FETUB: variants seen among roughly 807,000 people sequenced by gnomAD.
FETUB encodes the protein fetuin-B.
In FETUB, 28 loss-of-function variants were observed where a neutral mutation model predicts 30.9. That is an observed-to-expected ratio of 0.90 (90% CI 0.67 to 1.24). The LOEUF is 1.24. FETUB is among the 50% of genes most tolerant of loss of function. The probability of loss-of-function intolerance (pLI) is 0.00; values close to 1 mark genes in which losing one functional copy is unlikely to be tolerated. For synonymous variants in FETUB, 186 were observed against 175.9 expected (o/e 1.06, Z -0.45); for missense variants, 469 against 455.3 (o/e 1.03, Z -0.27).
chr3:186,646,203 G>T (rs778018393), intron 4 of FETUB, 45 bp from the exon 5 acceptor site: 1 of 1,413,300 alleles, frequency 7.1e-7, no homozygotes, highest in South Asian at 1.2e-5. Flanking sequence ...TTTTCCCTAG[G>T]CAGAAATGTT....
chr3:186,651,131 G>A (rs1197734566), intron 5 of FETUB, 87 bp from the exon 6 acceptor site: 2 of 838,408 alleles, frequency 2.4e-6, no homozygotes, highest in Admixed American at 1.9e-5. Flanking sequence ...ATGTTGATTG[G>A]CTGTGTATCT....
intron 5 of FETUB, among the ~76,000 whole-genome samples, chr3:186,650,981 C>A (rs1414013816): frequency 6.6e-6 from 1 of 152,170 alleles, no homozygotes; most frequent in Non-Finnish European, 1.5e-5. Flanking sequence ...ATTTTTTTAA[C>A]AAACAGAGTT....
chr3:186,652,744 T>G lies in FETUB; in HGVS notation c.*113T>G. ...CGTAGAGTGGCTAGTGAAGGACGCC[T>G]TTTTGACTCTTCTTGGTCTCAGCAT... On this transcript the variant is annotated 3_prime_UTR_variant, in exon 7 of 7. Transcript: ENST00000265029. 7.9e-7 allele frequency: 1 copy of G among 1,264,028 alleles called. No individual in the cohort carries two copies. The highest frequency in any genetic ancestry group is 1.5e-5 in the South Asian group (1 of 64,726). The allele number at this position is 1,264,028 out of a possible 1,614,324, so 78.3% of individuals were successfully genotyped here.
chr3:186,646,504 C>G (rs1717557347), intron 5 of FETUB, among the ~76,000 whole-genome samples, 155 bp downstream of exon 5: 1 of 152,196 alleles, frequency 6.6e-6, no homozygotes, highest in African/African-American at 2.4e-5. Context: ...CAGATCCAGA[C>G]TGCATTCAAT....
chr3:186,636,913 G>A (rs995890800), upstream of FETUB, among the ~76,000 whole-genome samples: 1 of 152,128 alleles, frequency 6.6e-6, no homozygotes, highest in Admixed American at 6.5e-5. Context: ...AGCCTGTCTT[G>A]ACTTCCCCAG....
chr3:186,646,387 A>C (rs1368557504), intron 5 of FETUB, 38 bp downstream of exon 5: 2 of 1,412,076 alleles, frequency 1.4e-6, no homozygotes, highest in Non-Finnish European at 2.0e-6. Context: ...TTGAGTGTTC[A>C]CAGATCATCT....
At chr3:186,651,590 C>T (rs1042928499) in intron 6 of FETUB, 1 of 387,672 alleles carries the variant, frequency 2.6e-6, no homozygotes, top group Non-Finnish European at 4.7e-6. Flanking sequence ...CCAAAGAAAC[C>T]TTACCTCAAG....
upstream of FETUB, among the ~76,000 whole-genome samples, chr3:186,639,304 T>A (rs1441515697): frequency 6.6e-6 from 1 of 152,186 alleles, no homozygotes; most frequent in Non-Finnish European, 1.5e-5. Context: ...CAGGATAGGA[T>A]AATCCTCTCA....
upstream of FETUB, among the ~76,000 whole-genome samples, chr3:186,638,505 C>T (rs1326053649): frequency 2.6e-5 from 4 of 152,214 alleles, no homozygotes; most frequent in African/African-American, 9.6e-5. Context: ...AAACCCAAGA[C>T]TGCCTGACAC....
chr3:186,644,620 G>A lies in FETUB; in HGVS notation c.425-131G>A, dbSNP rs183733916. 8.1e-5 allele frequency: 53 copies of A among 655,668 alleles called. No homozygotes were observed. In the East Asian group the frequency reaches 1.4e-3, roughly 17 times the overall value. The allele number at this position is 655,668 out of a possible 1,614,324, so 40.6% of individuals were successfully genotyped here. ...ATACATGGTCATTACAGAAAACACTGCTGACAGCTAACTTCTATTCCAGGG... is the reference window on the plus strand; with the variant it reads ...ATACATGGTCATTACAGAAAACACTACTGACAGCTAACTTCTATTCCAGGG... On this transcript the variant is annotated intron_variant, in intron 3 of 6. Transcript: ENST00000265029.
chr3:186,645,721 CTTTTTTTTTTTTTTTT>C (rs35992832), intron 4 of FETUB, among the ~76,000 whole-genome samples: 1 of 79,580 alleles, frequency 1.3e-5, no homozygotes, highest in African/African-American at 5.4e-5. Context: ...CCATTCAAAT[CTTTTTTTTTTTTTTTT>C]TTTTTTTTGA....
chr3:186,646,423 C>T (rs962536655), intron 5 of FETUB, 74 bp downstream of exon 5: 58 of 1,112,740 alleles, frequency 5.2e-5, no homozygotes, highest in Admixed American at 1.7e-4. Context: ...GCATAAATTA[C>T]ATATGAGGTG....
In FETUB at chr3:186,640,691, T is replaced by G; in HGVS notation, c.225+6T>G. 6.2e-7 allele frequency: 1 copy of G among 1,609,584 alleles called. No individual in the cohort carries two copies. Among genetic ancestry groups the G allele is most frequent in the East Asian group, 2.2e-5 (1 of 44,838 alleles). Reference sequence around the variant, plus strand: ...ACGCCCAGGAATACAGACGGGCAAGTAGGGACAGTTCCCACTCTGGGGCAG... The same window carrying G: ...ACGCCCAGGAATACAGACGGGCAAGGAGGGACAGTTCCCACTCTGGGGCAG... On this transcript the variant is annotated splice_donor_region_variant and intron_variant, in intron 1 of 6. Coordinates refer to ENST00000265029, the MANE Select transcript of FETUB (RefSeq NM_014375.3).
chr3:186,638,275 T>C (rs1185690106), upstream of FETUB, among the ~76,000 whole-genome samples: 2 of 152,206 alleles, frequency 1.3e-5, no homozygotes, highest in African/African-American at 4.8e-5. Context: ...TCCATGCTGA[T>C]ACTAAAGTTG....
chr3:186,637,620 T>G (rs913894942), upstream of FETUB, among the ~76,000 whole-genome samples: 1 of 152,212 alleles, frequency 6.6e-6, no homozygotes, highest in Non-Finnish European at 1.5e-5. Flanking sequence ...AAATCAGCCT[T>G]GTTTCTCCCA....
At position 186,652,348 on chromosome 3, in the gene FETUB, C is replaced by A. The variant is rs540157028; in HGVS notation, c.866C>A (p.Thr289Asn). The change falls in exon 7 of 7, where the codon ACC (threonine) becomes AAC (asparagine). Residue 289 changes from threonine (T) to asparagine (N), a missense_variant. Coordinates refer to ENST00000265029, the MANE Select transcript of FETUB (RefSeq NM_014375.3). ...GTGGAAGAATCCCAGCAGAAAAACACCCCCCCAACAGACTCCCCCTCCAAA... is the reference window on the plus strand; with the variant it reads ...GTGGAAGAATCCCAGCAGAAAAACAACCCCCCAACAGACTCCCCCTCCAAA... ...PKVEESQQKN[T>N]PPTDSPSKAG... 7.5e-6 allele frequency: 12 copies of A among 1,607,322 alleles called. No homozygotes were observed. Among genetic ancestry groups the A allele is most frequent in the Admixed American group, 3.4e-5 (2 of 59,346 alleles).
intron 6 of FETUB, 99 bp downstream of exon 6, chr3:186,651,400 C>CACCCCCTCCTTTGATTTTCCCAA: frequency 1.3e-6 from 1 of 798,342 alleles, no homozygotes; most frequent in Non-Finnish European, 2.1e-6. Flanking sequence ...TTCCCAACCA[C>CACCCCCTCCTTTGATTTTCCCAA]CTTGCTCACC....
At chr3:186,644,972 C>A in intron 4 of FETUB, 52 bp downstream of exon 4, 2 of 1,427,776 alleles carry the variant, frequency 1.4e-6, no homozygotes, top group Non-Finnish European at 9.5e-7. Context: ...ATAACTGTTG[C>A]TGTAGGTTCC....
Position 186,651,296 on chromosome 3 carries a change from T to TCACAGGTC in FETUB, c.780+2_780+3insCCACAGGT. 2 of 1,605,508 alleles carry TCACAGGTC rather than the reference T, an allele frequency of 1.2e-6. No homozygotes were observed. Among genetic ancestry groups the TCACAGGTC allele is most frequent in the Non-Finnish European group, 1.7e-6 (2 of 1,172,370 alleles). On this transcript the variant is annotated frameshift_variant, in exon 6 of 7. Transcript: ENST00000265029. LOFTEE classifies it low-confidence loss of function (END_TRUNC). ...CTCTGTGACTTGTGACTTCTTTGAA[T>TCACAGGTC]CACAGGTATTTTTCAATCTAATTGC...
Sources: allele counts gnomAD v4.1 joint callset (sites outside exome capture counted in the v4.1 genomes callset), GRCh38; gene constraint gnomAD v4.1.1; transcripts MANE v1.5; gene names NCBI Gene and HGNC (gene_info 2026-07-23, HGNC 2026-07-21).